Variants in NFIA observed in about 807,000 individuals in gnomAD.
NFIA encodes the protein nuclear factor I A.
Under a neutral mutation model 62.8 loss-of-function variants are expected in NFIA, and 8 were observed. That is an observed-to-expected ratio of 0.13 (90% CI 0.07 to 0.23). The LOEUF (loss-of-function observed/expected upper bound fraction) is 0.23, where lower values mean the gene tolerates loss of function less well. NFIA is among the 10% of genes least tolerant of loss of function. The pLI, the probability that NFIA is intolerant of heterozygous loss-of-function variation, is 1.00. For missense variants in NFIA, 410 were observed against 642.1 expected (o/e 0.64, Z 3.91); for synonymous variants, 235 against 238.1 (o/e 0.99, Z 0.12).
At chr1:61,385,309 G>A (rs535510095) in intron 7 of NFIA, among the ~76,000 whole-genome samples, 51 of 152,296 alleles carry the variant, frequency 3.3e-4, no homozygotes, top group Non-Finnish European at 6.3e-4. Flanking sequence ...TAAATGGAGG[G>A]CCATCCTAAG....
At chr1:61,183,204 A>T (rs924086928) in intron 2 of NFIA, among the ~76,000 whole-genome samples, 3 of 152,156 alleles carry the variant, frequency 2.0e-5, no homozygotes, top group Non-Finnish European at 4.4e-5. Flanking sequence ...TTACTGCAGG[A>T]ATTTCAGAGA....
chr1:61,187,183 C>A lies in NFIA; in HGVS notation c.560-90337C>A, dbSNP rs767024677. ...TGCTTGGCATATGGTAAGCATTTAA[C>A]AAATGTTCCCCGTAACTACTACTAC... On this transcript the variant is annotated intron_variant, in intron 2 of 10. Transcript: ENST00000403491. 1.1e-4 allele frequency among the ~76,000 whole-genome samples: 17 copies of A among 152,272 alleles called. No individual in the cohort carries two copies. In the South Asian group the frequency reaches 2.1e-3, roughly 19 times the overall value.
intron 6 of NFIA, among the ~76,000 whole-genome samples, chr1:61,381,497 A>G (rs2100482350): frequency 6.6e-6 from 1 of 152,294 alleles, no homozygotes; most frequent in Admixed American, 6.5e-5. Flanking sequence ...TTTAATTCAA[A>G]TCACATGGAT....
At chr1:61,435,492 C>G (rs1667285829) in intron 10 of NFIA, among the ~76,000 whole-genome samples, 1 of 152,156 alleles carries the variant, frequency 6.6e-6, no homozygotes, top group African/African-American at 2.4e-5. Flanking sequence ...CCTCTTCAGC[C>G]TCATGCTTAG....
chr1:61,276,847 G>A (rs1279779386), intron 2 of NFIA, among the ~76,000 whole-genome samples: 1 of 152,036 alleles, frequency 6.6e-6, no homozygotes, highest in African/African-American at 2.4e-5. Context: ...CTATAGAGGT[G>A]TACAAAAATC....
At chr1:61,345,079 C>T (rs1375569991) in intron 4 of NFIA, among the ~76,000 whole-genome samples, 1 of 151,038 alleles carries the variant, frequency 6.6e-6, no homozygotes. Context: ...CTACATTCTA[C>T]TTATGACAGG....
At chr1:61,179,951 GGCTGACTCTT>G (rs1650641183) in intron 2 of NFIA, among the ~76,000 whole-genome samples, 1 of 152,192 alleles carries the variant, frequency 6.6e-6, no homozygotes, top group Non-Finnish European at 1.5e-5. Context: ...TCTGACCAAA[GGCTGACTCTT>G]CCACAGGCGG....
chr1:61,111,217 C>A lies in NFIA; in HGVS notation c.559+22537C>A, dbSNP rs761194908. Among the ~76,000 whole-genome samples, 29 of 152,034 alleles carry A rather than the reference C, an allele frequency of 1.9e-4. 1 individual carries two copies. Among genetic ancestry groups the A allele is most frequent in the Non-Finnish European group, 3.4e-4 (23 of 67,958 alleles). On this transcript the variant is annotated intron_variant, in intron 2 of 10. Coordinates refer to ENST00000403491, the MANE Select transcript of NFIA (RefSeq NM_001134673.4). ...TACTTCCTGAATTTTCTTATTTTTT[C>A]CTGTGTGAGCAGATGGTTTTTCTTT...
At chr1:61,426,621 T>G (rs1666882723) in intron 10 of NFIA, 65 bp downstream of exon 10, 1 of 1,178,284 alleles carries the variant, frequency 8.5e-7, no homozygotes, top group Admixed American at 2.8e-5. Flanking sequence ...GCATTTTAAC[T>G]TGTCTTTTGC....
At chr1:61,341,652 A>AT (rs1661922744) in intron 4 of NFIA, among the ~76,000 whole-genome samples, 1 of 151,936 alleles carries the variant, frequency 6.6e-6, no homozygotes, top group South Asian at 2.1e-4. Context: ...TAATGTTTGC[A>AT]TTTTTTGCAG....
intron 3 of NFIA, among the ~76,000 whole-genome samples, chr1:61,290,185 G>A (rs1658786766): frequency 6.6e-6 from 1 of 151,962 alleles, no homozygotes; most frequent in Non-Finnish European, 1.5e-5. Flanking sequence ...TCTGCTGGAG[G>A]TGGAGACTAT....
intron 6 of NFIA, among the ~76,000 whole-genome samples, chr1:61,367,139 T>C (rs1663633529): frequency 6.6e-6 from 1 of 152,178 alleles, no homozygotes; most frequent in Non-Finnish European, 1.5e-5. Context: ...GTCATTGTAA[T>C]TTTAAATATC....
intron 2 of NFIA, among the ~76,000 whole-genome samples, chr1:61,100,783 T>C (rs1646494247): frequency 6.6e-6 from 1 of 151,940 alleles, no homozygotes; most frequent in Non-Finnish European, 1.5e-5. Context: ...TTTGTGGAGA[T>C]AGAGTCTCAC....
At chr1:61,221,701 GGAGTAC>G (rs2100618065) in intron 2 of NFIA, among the ~76,000 whole-genome samples, 1 of 152,206 alleles carries the variant, frequency 6.6e-6, no homozygotes, top group African/African-American at 2.4e-5. Flanking sequence ...GACATGGTTT[GGAGTAC>G]TTGATTATTC....
intron 2 of NFIA, among the ~76,000 whole-genome samples, chr1:61,227,637 G>T (rs1234698207): frequency 6.6e-6 from 1 of 152,068 alleles, no homozygotes; most frequent in Non-Finnish European, 1.5e-5. Flanking sequence ...TCTAACCCCT[G>T]CAGTTTTTGT....
rs751703110 is a variant in NFIA at position 61,455,428 on chromosome 1, A to C, written c.*108A>C. 6.4e-7 allele frequency: 1 copy of C among 1,573,862 alleles called. No individual in the cohort carries two copies. The highest frequency in any genetic ancestry group is 1.1e-5 in the South Asian group (1 of 88,330). ...GCAGTTACAACTTCACTATCAGCGG[A>C]AGGGGAGAAAAACCGATTCAAATCA... On this transcript the variant is annotated 3_prime_UTR_variant, in exon 11 of 11. Transcript: ENST00000403491.
intron 5 of NFIA, among the ~76,000 whole-genome samples, chr1:61,352,993 C>T (rs1322153407): frequency 6.6e-6 from 1 of 151,810 alleles, no homozygotes; most frequent in Non-Finnish European, 1.5e-5. Context: ...AACATGTTCT[C>T]AGGAAATGAA....
chr1:61,214,585 A>G (rs1013292621), intron 2 of NFIA, among the ~76,000 whole-genome samples: 3 of 152,176 alleles, frequency 2.0e-5, no homozygotes, highest in Non-Finnish European at 4.4e-5. Context: ...CATTTTATAG[A>G]TAACAAAACT....
chr1:61,329,928 T>A (rs1265594588), intron 3 of NFIA, among the ~76,000 whole-genome samples: 1 of 152,252 alleles, frequency 6.6e-6, no homozygotes, highest in African/African-American at 2.4e-5. Flanking sequence ...GGGAAGGTCC[T>A]GAGCCACAGT....
Sources: allele counts gnomAD v4.1 joint callset (sites outside exome capture counted in the v4.1 genomes callset), GRCh38; gene constraint gnomAD v4.1.1; transcripts MANE v1.5; gene names NCBI Gene and HGNC (gene_info 2026-07-23, HGNC 2026-07-21).